Variants in S1PR4 observed in about 807,000 individuals in gnomAD.
S1PR4 encodes sphingosine-1-phosphate receptor 4.
S1PR4 carries 1 observed loss-of-function variant against 0.4 expected under a neutral mutation model. That is an observed-to-expected ratio of 2.48 (90% confidence interval 0.88 to 11.76). The LOEUF (loss-of-function observed/expected upper bound fraction) is 11.76, where lower values mean the gene tolerates loss of function less well. Ranked by LOEUF, S1PR4 falls within the 30% of genes most tolerant of loss-of-function variation. The pLI, the probability that S1PR4 is intolerant of heterozygous loss-of-function variation, is 0.12. For synonymous variants in S1PR4, 296 were observed against 266.7 expected (o/e 1.11, Z -1.07); for missense variants, 595 against 557.8 (o/e 1.07, Z -0.67).
In S1PR4 at chr19:3,179,017, G is replaced by A; in HGVS notation, c.225G>A (p.Met75Ile). 6.3e-7 allele frequency: 1 copy of A among 1,599,226 alleles called. No homozygotes were observed. The highest frequency in any genetic ancestry group is 8.5e-7 in the Non-Finnish European group (1 of 1,177,122). Residue 75 changes from methionine to isoleucine, a missense_variant, in exon 1 of 1, where the codon ATG becomes ATA. Coordinates refer to ENST00000246115, the MANE Select transcript of S1PR4 (RefSeq NM_003775.4). ...TGCTGGCGGCCATCACCAGCCACAT[G>A]CGGTCGCGACGCTGGGTCTACTATT... ...LLVLAAITSH[M>I]RSRRWVYYCL...
At position 3,179,247 on chromosome 19, in the gene S1PR4, C is replaced by T. The variant is rs2144881785; in HGVS notation, c.455C>T (p.Ala152Val). 3 of 1,598,366 alleles carry T rather than the reference C, an allele frequency of 1.9e-6. No individual in the cohort carries two copies. Among genetic ancestry groups the T allele is most frequent in the Non-Finnish European group, 2.6e-6 (3 of 1,172,102 alleles). Reference protein sequence around the residue: ...ERFATMVRPVAESGATKTSRV... With the variant: ...ERFATMVRPVVESGATKTSRV... ...TTTGCCACCATGGTGCGGCCGGTGG[C>T]CGAGAGCGGGGCCACCAAGACCAGC... Residue 152 changes from alanine to valine, a missense_variant, in exon 1 of 1, where the codon GCC becomes GTC. Transcript: ENST00000246115.
chr19:3,178,778 C>G lies in S1PR4; in HGVS notation c.-15C>G. 1 of 1,460,156 alleles carries G rather than the reference C, an allele frequency of 6.8e-7. No individual in the cohort carries two copies. The highest frequency in any genetic ancestry group is 9.0e-7 in the Non-Finnish European group (1 of 1,115,176). 90.4% of individuals were successfully genotyped at this position (1,460,156 alleles called of 1,614,324 possible). On this transcript the variant is annotated 5_prime_UTR_variant, in exon 1 of 1. Transcript: ENST00000246115. ...CCACCCTGCGTCGGGCCTCAGTCAG[C>G]CCCCGGGGGAGGCCATGAACGCCAC... is the stretch of plus-strand genomic sequence containing the variant.
rs899693629 is a variant in S1PR4 at position 3,178,782 on chromosome 19, C to G, written c.-11C>G. 1.3e-5 allele frequency: 19 copies of G among 1,471,662 alleles called. No homozygotes were observed. Among genetic ancestry groups the G allele is most frequent in the Non-Finnish European group, 1.5e-5 (17 of 1,122,838 alleles). The allele number at this position is 1,471,662 out of a possible 1,614,324, so 91.2% of individuals were successfully genotyped here. A position where few individuals can be genotyped will look rare whatever the true frequency, so the allele number is the denominator to read the frequency against. Reference sequence around the variant, plus strand: ...CCTGCGTCGGGCCTCAGTCAGCCCCCGGGGGAGGCCATGAACGCCACGGGG... The same window carrying G: ...CCTGCGTCGGGCCTCAGTCAGCCCCGGGGGGAGGCCATGAACGCCACGGGG... On this transcript the variant is annotated 5_prime_UTR_variant, in exon 1 of 1. Transcript: ENST00000246115.
rs984760088 is a variant in S1PR4 at position 3,178,949 on chromosome 19, T to C, written c.157T>C (p.Ser53Pro). 31 of 1,541,868 alleles carry C rather than the reference T, an allele frequency of 2.0e-5. 1 individual carries two copies. The highest frequency in any genetic ancestry group is 2.4e-5 in the Non-Finnish European group (28 of 1,150,256). ...DGGLGALRGLSVAASCLVVLE... is the reference protein window; with the variant it reads ...DGGLGALRGLPVAASCLVVLE... ...CGGCCTGGGGGCCCTGCGGGGGCTG[T>C]CGGTGGCCGCCAGCTGCCTGGTGGT... The change falls in exon 1 of 1, where the codon TCG (serine) becomes CCG (proline). Residue 53 changes from serine (S) to proline (P), a missense_variant. Physicochemically the swap from Ser to Pro is moderately conservative, Grantham distance 74 (BLOSUM62 -1). Coordinates refer to ENST00000246115, the MANE Select transcript of S1PR4 (RefSeq NM_003775.4).
At position 3,180,116 on chromosome 19, in the gene S1PR4, G is replaced by A. The variant is rs188784582; in HGVS notation, c.*169G>A. Reference sequence around the variant, plus strand: ...TCTCGGGGCTTCTGACGCCAAATGGGCTTCCCATGGTCACCCTGGACAAGG... The same window carrying A: ...TCTCGGGGCTTCTGACGCCAAATGGACTTCCCATGGTCACCCTGGACAAGG... On this transcript the variant is annotated 3_prime_UTR_variant, in exon 1 of 1. Transcript: ENST00000246115. 425 of 564,866 alleles carry A rather than the reference G, an allele frequency of 7.5e-4. 1 individual carries two copies. In the African/African-American group the frequency reaches 7.6e-3, roughly 10 times the overall value. The allele number at this position is 564,866 out of a possible 1,614,324, so 35.0% of individuals were successfully genotyped here.
In S1PR4 at chr19:3,179,541, T is replaced by C; in HGVS notation, c.749T>C (p.Leu250Pro). The change falls in exon 1 of 1, where the codon CTG becomes CCG. Residue 250 changes from leucine (L) to proline (P), a missense_variant. Coordinates refer to ENST00000246115, the MANE Select transcript of S1PR4 (RefSeq NM_003775.4). ...GCCCGCCGCAAGGCCCGCCGCCTGC[T>C]GAAGACGGTGCTGATGATCCTGCTG... is the stretch of plus-strand genomic sequence containing the variant. ...PAARRKARRL[L>P]KTVLMILLAF... 1 of 1,612,502 alleles carries C rather than the reference T, an allele frequency of 6.2e-7. No homozygotes were observed. Among genetic ancestry groups the C allele is most frequent in the Non-Finnish European group, 8.5e-7 (1 of 1,179,634 alleles).
Position 3,179,755 on chromosome 19 carries a change from C to T in S1PR4, c.963C>T (p.Phe321=), listed in dbSNP as rs199959867. ...AGGTGTGCAGAGCCGTGCTCAGCTT[C>T]CTCTGCTGCGGGTGTCTCCGGCTGG... ...SREVCRAVLS[F]LCCGCLRLGM... is the part of the protein sequence containing the mutation. Residue 321 remains phenylalanine (F), a synonymous_variant, in exon 1 of 1, where the codon TTC becomes TTT. Coordinates refer to ENST00000246115, the MANE Select transcript of S1PR4 (RefSeq NM_003775.4). 58 of 1,611,802 alleles carry T rather than the reference C, an allele frequency of 3.6e-5. 1 individual carries two copies. The East Asian group carries it at 1.1e-3, about 30-fold the overall frequency.
rs771695176 is a variant in S1PR4, at chr19:3,178,821, C to T, written c.29C>T (p.Pro10Leu). 5.9e-6 allele frequency: 9 copies of T among 1,529,890 alleles called. No individual in the cohort carries two copies. Among genetic ancestry groups the T allele is most frequent in the African/African-American group, 5.6e-5 (4 of 71,490 alleles). The allele number at this position is 1,529,890 out of a possible 1,614,324, so 94.8% of individuals were successfully genotyped here. A position where few individuals can be genotyped will look rare whatever the true frequency, so the allele number is the denominator to read the frequency against. The change falls in exon 1 of 1, where the codon CCC becomes CTC. Residue 10 changes from proline to leucine, a missense_variant. By Grantham distance (98) the Pro-to-Leu change is moderately conservative. Coordinates refer to ENST00000246115, the MANE Select transcript of S1PR4 (RefSeq NM_003775.4). The part of the protein sequence containing the change: MNATGTPVA[P>L]ESCQQLAAGG... Reference sequence around the variant, plus strand: ...AACGCCACGGGGACCCCGGTGGCCCCCGAGTCCTGCCAACAGCTGGCGGCC... The same window carrying T: ...AACGCCACGGGGACCCCGGTGGCCCTCGAGTCCTGCCAACAGCTGGCGGCC...
Position 3,179,877 on chromosome 19 carries a change from G to A in S1PR4, c.1085G>A (p.Arg362His), listed in dbSNP as rs141031634. ...DSSLRPRDSF[R>H]GSRSLSFRMR... ...TCTCTGAGGCCAAGGGACAGCTTTCGCGGCTCCCGCTCGCTCAGCTTTCGG... is the reference window on the plus strand; with the variant it reads ...TCTCTGAGGCCAAGGGACAGCTTTCACGGCTCCCGCTCGCTCAGCTTTCGG... Residue 362 changes from arginine (R) to histidine (H), a missense_variant, in exon 1 of 1, where the codon CGC becomes CAC. Transcript: ENST00000246115. The A allele has an allele frequency of 3.8e-5, 58 of 1,538,736 alleles. No individual in the cohort carries two copies. Among genetic ancestry groups the A allele is most frequent in the Middle Eastern group, 1.8e-4 (1 of 5,698 alleles).
At position 3,179,119 on chromosome 19, in the gene S1PR4, C is replaced by T. The variant is rs1175300963; in HGVS notation, c.327C>T (p.Arg109=). Residue 109 remains arginine (R), a synonymous_variant, in exon 1 of 1, where the codon CGC becomes CGT. Coordinates refer to ENST00000246115, the MANE Select transcript of S1PR4 (RefSeq NM_003775.4). The part of the protein sequence containing the change: ...YLANVLLSGA[R]TFRLAPAQWF... ...CCAACGTGCTGCTGTCGGGGGCCCG[C>T]ACCTTCCGTCTGGCGCCCGCCCAGT... The T allele has an allele frequency of 6.2e-7, 1 of 1,611,774 alleles. No individual in the cohort carries two copies. The highest frequency in any genetic ancestry group is 1.7e-5 in the Admixed American group (1 of 60,008).
Position 3,180,087 on chromosome 19 carries a change from G to A in S1PR4, c.*140G>A. The A allele has an allele frequency of 1.3e-6, 1 of 756,774 alleles. No homozygotes were observed. The highest frequency in any genetic ancestry group is 2.0e-6 in the Non-Finnish European group (1 of 506,334). 46.9% of individuals were successfully genotyped at this position (756,774 alleles called of 1,614,324 possible). On this transcript the variant is annotated 3_prime_UTR_variant, in exon 1 of 1. Coordinates refer to ENST00000246115, the MANE Select transcript of S1PR4 (RefSeq NM_003775.4). ...GACAGGCCCCCATGGTCTTCCCGGT[G>A]GCCTCTCGGGGCTTCTGACGCCAAA... is the stretch of plus-strand genomic sequence containing the variant.
chr19:3,179,850 G>A lies in S1PR4; in HGVS notation c.1058G>A (p.Ser353Asn), dbSNP rs1393142989. 4.4e-6 allele frequency: 7 copies of A among 1,576,986 alleles called. No individual in the cohort carries two copies. The highest frequency in any genetic ancestry group is 6.0e-6 in the Non-Finnish European group (7 of 1,161,732). ...EAHSGASTTD[S>N]SLRPRDSFRG... ...CACTCCGGAGCTTCCACCACCGACAGCTCTCTGAGGCCAAGGGACAGCTTT... is the reference window on the plus strand; with the variant it reads ...CACTCCGGAGCTTCCACCACCGACAACTCTCTGAGGCCAAGGGACAGCTTT... The change falls in exon 1 of 1, where the codon AGC (serine) becomes AAC (asparagine). Residue 353 changes from serine to asparagine, a missense_variant. Physicochemically the swap from Ser to Asn is conservative, Grantham distance 46. Coordinates refer to ENST00000246115, the MANE Select transcript of S1PR4 (RefSeq NM_003775.4).
rs906359901 is a variant in S1PR4, at chr19:3,179,972, T to G, written c.*25T>G. The G allele has an allele frequency of 1.3e-6, 2 of 1,505,058 alleles. No homozygotes were observed. Among genetic ancestry groups the G allele is most frequent in the Non-Finnish European group, 1.8e-6 (2 of 1,126,774 alleles). The allele number at this position is 1,505,058 out of a possible 1,614,324, so 93.2% of individuals were successfully genotyped here. A position where few individuals can be genotyped will look rare whatever the true frequency, so the allele number is the denominator to read the frequency against. On this transcript the variant is annotated 3_prime_UTR_variant, in exon 1 of 1. Transcript: ENST00000246115. ...AAGTTGCAGTCTTGCGTGTGGATGG[T>G]GCAGCCACCGGGTGCGTGCCAGGCA... is the stretch of plus-strand genomic sequence containing the variant.
rs546109965 is a variant in S1PR4, at chr19:3,180,324, A to G, written c.*377A>G. ...CATGCCCTGGCAACATTGAAGTTCG[A>G]TCATGGTACGTGATGTTGCGGCCTC... is the stretch of plus-strand genomic sequence containing the variant. On this transcript the variant is annotated 3_prime_UTR_variant, in exon 1 of 1. Transcript: ENST00000246115. 20 of 229,678 alleles carry G rather than the reference A, an allele frequency of 8.7e-5. No individual in the cohort carries two copies. Among genetic ancestry groups the G allele is most frequent in the Non-Finnish European group, 1.7e-4 (19 of 109,292 alleles). The allele number at this position is 229,678 out of a possible 1,614,324, so 14.2% of individuals were successfully genotyped here. A position where few individuals can be genotyped will look rare whatever the true frequency, so the allele number is the denominator to read the frequency against.
At position 3,178,892 on chromosome 19, in the gene S1PR4, C is replaced by T. The variant is rs1410400989; in HGVS notation, c.100C>T (p.Arg34Trp). 2.0e-6 allele frequency: 3 copies of T among 1,527,606 alleles called. No individual in the cohort carries two copies. Among genetic ancestry groups the T allele is most frequent in the African/African-American group, 2.8e-5 (2 of 72,256 alleles). The allele number at this position is 1,527,606 out of a possible 1,614,324, so 94.6% of individuals were successfully genotyped here. Residue 34 changes from arginine to tryptophan, a missense_variant, in exon 1 of 1, where the codon CGG becomes TGG. Arg to Trp is a moderately radical substitution (Grantham distance 101). Coordinates refer to ENST00000246115, the MANE Select transcript of S1PR4 (RefSeq NM_003775.4). ...LIVLHYNHSGRLAGRGGPEDG... is the reference protein window; with the variant it reads ...LIVLHYNHSGWLAGRGGPEDG... Reference sequence around the variant, plus strand: ...TGTTCTGCACTACAACCACTCGGGCCGGCTGGCCGGGCGCGGGGGGCCGGA... The same window carrying T: ...TGTTCTGCACTACAACCACTCGGGCTGGCTGGCCGGGCGCGGGGGGCCGGA...
At position 3,178,804 on chromosome 19, in the gene S1PR4, G is replaced by A. The variant is rs755933228; in HGVS notation, c.12G>A (p.Thr4=). MNA[T]GTPVAPESCQ... is the part of the protein sequence containing the mutation. ...CCCCGGGGGAGGCCATGAACGCCACGGGGACCCCGGTGGCCCCCGAGTCCT... is the reference window on the plus strand; with the variant it reads ...CCCCGGGGGAGGCCATGAACGCCACAGGGACCCCGGTGGCCCCCGAGTCCT... Residue 4 remains threonine, a synonymous_variant, in exon 1 of 1, where the codon ACG becomes ACA. Transcript: ENST00000246115. 153 of 1,503,510 alleles carry A rather than the reference G, an allele frequency of 1.0e-4. No individual in the cohort carries two copies. The highest frequency in any genetic ancestry group is 4.6e-4 in the Admixed American group (20 of 43,484). 93.1% of individuals were successfully genotyped at this position (1,503,510 alleles called of 1,614,324 possible). A position where few individuals can be genotyped will look rare whatever the true frequency, so the allele number is the denominator to read the frequency against.
rs146465201 is a variant in S1PR4, at chr19:3,179,435, G to A, written c.643G>A (p.Val215Ile). The stretch of plus-strand genomic sequence containing the variant: ...CTTCTGCCTGGTGATCTTCGCCGGC[G>A]TCCTGGCCACCATCATGGGCCTCTA... ...ILFCLVIFAGVLATIMGLYGA... is the reference protein window; with the variant it reads ...ILFCLVIFAGILATIMGLYGA... The change falls in exon 1 of 1, where the codon GTC becomes ATC. Residue 215 changes from valine to isoleucine, a missense_variant. Transcript: ENST00000246115. 92 of 1,613,254 alleles carry A rather than the reference G, an allele frequency of 5.7e-5. No homozygotes were observed. The highest frequency in any genetic ancestry group is 1.8e-4 in the South Asian group (16 of 91,088).
In S1PR4 at chr19:3,180,083, C is replaced by T. The variant is rs531317528; in HGVS notation, c.*136C>T. 6.3e-5 allele frequency: 53 copies of T among 836,966 alleles called. No individual in the cohort carries two copies. The Admixed American group carries it at 7.9e-4, about 12-fold the overall frequency. 51.8% of individuals were successfully genotyped at this position (836,966 alleles called of 1,614,324 possible). A position where few individuals can be genotyped will look rare whatever the true frequency, so the allele number is the denominator to read the frequency against. On this transcript the variant is annotated 3_prime_UTR_variant, in exon 1 of 1. Coordinates refer to ENST00000246115, the MANE Select transcript of S1PR4 (RefSeq NM_003775.4). ...ACGGGACAGGCCCCCATGGTCTTCC[C>T]GGTGGCCTCTCGGGGCTTCTGACGC...
In S1PR4 at chr19:3,179,267, A is replaced by G; in HGVS notation, c.475A>G (p.Thr159Ala). 1 of 1,602,764 alleles carries G rather than the reference A, an allele frequency of 6.2e-7. No individual in the cohort carries two copies. Among genetic ancestry groups the G allele is most frequent in the Non-Finnish European group, 8.5e-7 (1 of 1,174,570 alleles). The change falls in exon 1 of 1, where the codon ACC becomes GCC. Residue 159 changes from threonine to alanine, a missense_variant. Thr to Ala is a moderately conservative substitution (Grantham distance 58). Coordinates refer to ENST00000246115, the MANE Select transcript of S1PR4 (RefSeq NM_003775.4). ...RPVAESGATK[T>A]SRVYGFIGLC... ...GGTGGCCGAGAGCGGGGCCACCAAGACCAGCCGCGTCTACGGCTTCATCGG... is the reference window on the plus strand; with the variant it reads ...GGTGGCCGAGAGCGGGGCCACCAAGGCCAGCCGCGTCTACGGCTTCATCGG...
Sources: gnomAD v4.1 joint callset for allele counts on GRCh38, gnomAD v4.1.1 for gene constraint, MANE v1.5 for transcripts, NCBI Gene and HGNC (gene_info 2026-07-23, HGNC 2026-07-21) for gene names.